OPCML: variants seen among roughly 807,000 people sequenced by gnomAD.
The protein encoded by OPCML is opioid binding protein/cell adhesion molecule like.
A neutral mutation model predicts 37.8 loss-of-function variants in OPCML; 13 were observed. The observed-to-expected ratio is 0.34, with a 90% confidence interval of 0.22 to 0.55. The LOEUF is 0.55. Among genes scored for constraint, OPCML ranks in the 20% least tolerant of loss-of-function variants. The probability of loss-of-function intolerance (pLI) is 0.91; values close to 1 mark genes in which losing one functional copy is unlikely to be tolerated. For synonymous variants in OPCML, 176 were observed against 168.8 expected (o/e 1.04, Z -0.33); for missense variants, 341 against 435.6 (o/e 0.78, Z 1.93).
intron 2 of OPCML, among the ~76,000 whole-genome samples, chr11:132,795,315 T>C (rs1565869680): frequency 6.6e-6 from 1 of 152,230 alleles, no homozygotes; most frequent in Non-Finnish European, 1.5e-5. Flanking sequence ...ATTCTGGAGT[T>C]TTTGTTTGTT....
chr11:132,798,004 T>C (rs1487588597), intron 2 of OPCML, among the ~76,000 whole-genome samples: 1 of 152,224 alleles, frequency 6.6e-6, no homozygotes, highest in Non-Finnish European at 1.5e-5. Context: ...TTACTCTCAA[T>C]AGAACTTTCA....
At chr11:132,864,995 C>T (rs1487646374) in intron 2 of OPCML, among the ~76,000 whole-genome samples, 2 of 152,206 alleles carry the variant, frequency 1.3e-5, no homozygotes, top group Non-Finnish European at 2.9e-5. Flanking sequence ...CCACAGAGGG[C>T]GATAGAGCCG....
intron 1 of OPCML, among the ~76,000 whole-genome samples, chr11:133,406,037 C>T (rs1175643852): frequency 6.6e-6 from 1 of 152,140 alleles, no homozygotes; most frequent in Non-Finnish European, 1.5e-5. Flanking sequence ...CTTGTGTAAT[C>T]AGTCGGTCCA....
At chr11:132,811,386 T>C (rs1479636077) in intron 2 of OPCML, among the ~76,000 whole-genome samples, 2 of 152,124 alleles carry the variant, frequency 1.3e-5, no homozygotes, top group Non-Finnish European at 2.9e-5. Context: ...GAGTTAACAA[T>C]ATAACTCAAT....
At chr11:133,054,284 C>T (rs1209669154) in intron 1 of OPCML, among the ~76,000 whole-genome samples, 1 of 152,172 alleles carries the variant, frequency 6.6e-6, no homozygotes, top group African/African-American at 2.4e-5. Flanking sequence ...TTATACCTGT[C>T]ATCAAACCCA....
intron 1 of OPCML, among the ~76,000 whole-genome samples, chr11:133,282,036 T>A (rs949599031): frequency 2.6e-5 from 4 of 152,042 alleles, no homozygotes; most frequent in Non-Finnish European, 5.9e-5. Context: ...AAAAAAAACT[T>A]AAACTAGTAA....
At chr11:133,381,083 A>G (rs1592250014) in intron 1 of OPCML, among the ~76,000 whole-genome samples, 1 of 152,272 alleles carries the variant, frequency 6.6e-6, no homozygotes, top group African/African-American at 2.4e-5. Flanking sequence ...GCAGCCTGGC[A>G]GCAGGGAAGC....
At chr11:132,954,237 T>C (rs1361319400) in intron 1 of OPCML, among the ~76,000 whole-genome samples, 7 of 152,178 alleles carry the variant, frequency 4.6e-5, no homozygotes, top group Admixed American at 4.6e-4. Context: ...GAACATGGTG[T>C]GTTACCTGCC....
chr11:132,787,239 G>A (rs1429095155), intron 2 of OPCML, among the ~76,000 whole-genome samples: 7 of 152,240 alleles, frequency 4.6e-5, no homozygotes, highest in African/African-American at 1.4e-4. Flanking sequence ...CAAATTCAAC[G>A]TGCTCATTAG....
chr11:132,785,136 C>T lies in OPCML; in HGVS notation c.147-127817G>A, dbSNP rs112358140. ...TATTGTATTACAAGAACCTGAAGTT[C>T]AGTCCACATAGCATTTTCACAAATA... On this transcript the variant is annotated intron_variant, in intron 2 of 7. Transcript: ENST00000524381. 2.3e-3 allele frequency among the ~76,000 whole-genome samples: 357 copies of T among 152,306 alleles called. 2 individuals carry two copies. Among genetic ancestry groups the T allele is most frequent in the African/African-American group, 8.2e-3 (340 of 41,556 alleles).
chr11:132,880,752 A>T (rs1475692725), intron 2 of OPCML, among the ~76,000 whole-genome samples: 1 of 152,252 alleles, frequency 6.6e-6, no homozygotes, highest in African/African-American at 2.4e-5. Flanking sequence ...GAATGGCCAT[A>T]TTATTCTACT....
At chr11:132,503,489 A>T (rs918734653) in intron 4 of OPCML, among the ~76,000 whole-genome samples, 4 of 152,186 alleles carry the variant, frequency 2.6e-5, no homozygotes, top group African/African-American at 9.7e-5. Flanking sequence ...TAGCAAATAA[A>T]ATCTAACAAT....
chr11:132,645,076 C>T (rs1305469255), intron 3 of OPCML, among the ~76,000 whole-genome samples: 1 of 152,220 alleles, frequency 6.6e-6, no homozygotes, highest in African/African-American at 2.4e-5. Context: ...TCCAGCTCTG[C>T]CTGCCAGGGC....
chr11:132,687,432 A>ACATATAC (rs1565776345), intron 2 of OPCML, among the ~76,000 whole-genome samples: 2 of 99,240 alleles, frequency 2.0e-5, no homozygotes, highest in African/African-American at 8.1e-5. Flanking sequence ...ATATATATTT[A>ACATATAC]ATCTGTATAG....
At chr11:133,084,041 T>C (rs2137038978) in intron 1 of OPCML, among the ~76,000 whole-genome samples, 1 of 152,322 alleles carries the variant, frequency 6.6e-6, no homozygotes, top group Admixed American at 6.5e-5. Flanking sequence ...GATGGCAAAT[T>C]CTTTGAGAGC....
intron 1 of OPCML, among the ~76,000 whole-genome samples, chr11:133,030,987 G>T (rs10750525): frequency 0.64 from 97,459 of 152,096 alleles, 31,908 homozygotes; most frequent in East Asian, 0.81. Flanking sequence ...CTGTTTCTTC[G>T]TGTTCCCTTC....
chr11:133,053,114 T>A (rs1004444580), intron 1 of OPCML, among the ~76,000 whole-genome samples: 5 of 152,364 alleles, frequency 3.3e-5, no homozygotes, highest in Middle Eastern at 6.8e-3. Context: ...ATGACACATC[T>A]TGGTTGGACT....
intron 1 of OPCML, among the ~76,000 whole-genome samples, chr11:132,985,104 A>G (rs913925720): frequency 1.3e-5 from 2 of 152,156 alleles, no homozygotes; most frequent in Non-Finnish European, 2.9e-5. Context: ...TTCCACTGCA[A>G]CTTCCCTAGC....
intron 1 of OPCML, among the ~76,000 whole-genome samples, chr11:133,383,042 T>C (rs1020588784): frequency 2.0e-5 from 3 of 152,066 alleles, no homozygotes; most frequent in Non-Finnish European, 4.4e-5. Context: ...GCCACCTTTT[T>C]TTCCCCAAGG....
Sources: gnomAD v4.1 joint callset for allele counts (sites outside exome capture counted in the v4.1 genomes callset) on GRCh38, gnomAD v4.1.1 for gene constraint, MANE v1.5 for transcripts, NCBI Gene and HGNC (gene_info 2026-07-23, HGNC 2026-07-21) for gene names.